CES1: variants seen among roughly 807,000 people sequenced by gnomAD.
The protein encoded by CES1 is carboxylesterase 1, also known as liver carboxylesterase 1.
In CES1, 50 loss-of-function variants were observed where a neutral mutation model predicts 53.0. The ratio of observed to expected loss-of-function variants is 0.94; its 90% CI spans 0.75 to 1.19. The LOEUF is 1.19. Among genes scored for constraint, CES1 ranks in the 50% most tolerant of loss-of-function variants. The probability of loss-of-function intolerance (pLI) is 0.00; values close to 1 mark genes in which losing one functional copy is unlikely to be tolerated. For missense variants in CES1, 534 were observed against 538.0 expected (o/e 0.99, Z 0.07); for synonymous variants, 202 against 210.1 (o/e 0.96, Z 0.33).
At chr16:55,826,400 G>T in intron 2 of CES1, 105 bp from the exon 3 acceptor site, 1 of 1,359,962 alleles carries the variant, frequency 7.4e-7, no homozygotes, top group Non-Finnish European at 1.1e-6. Flanking sequence ...AAATGGACTT[G>T]ATAGTTACAG....
intron 1 of CES1, 134 bp from the exon 2 acceptor site, chr16:55,829,108 T>C: frequency 1.1e-6 from 1 of 944,128 alleles, no homozygotes; most frequent in Non-Finnish European, 1.7e-6. Context: ...TTTCTCTTGA[T>C]GTACAATAGG....
In CES1 at chr16:55,833,025, G is replaced by T. The variant is rs116258771; in HGVS notation, c.31C>A (p.Leu11Ile). MWLRAFILATLSASAAWAGHP... is the reference protein window; with the variant it reads MWLRAFILATISASAAWAGHP... Reference sequence around the variant, plus strand: ...TCACCCCAAGCCGCGGAAGCAGAGAGAGTGGCCAGGATAAAGGCACGGAGC... The same window carrying T: ...TCACCCCAAGCCGCGGAAGCAGAGATAGTGGCCAGGATAAAGGCACGGAGC... The change falls in exon 1 of 14, where the codon CTC becomes ATC. Residue 11 changes from leucine to isoleucine, a missense_variant. Physicochemically the swap from Leu to Ile is conservative, Grantham distance 5. Coordinates refer to ENST00000360526, the MANE Select transcript of CES1 (RefSeq NM_001025195.2). 220 of 1,555,728 alleles carry T rather than the reference G, an allele frequency of 1.4e-4. 18 individuals carry two copies. In the African/African-American group the frequency reaches 2.8e-3, roughly 19 times the overall value.
intron 8 of CES1, among the ~76,000 whole-genome samples, chr16:55,814,882 TGA>T (rs2031867301): frequency 1.3e-5 from 2 of 152,160 alleles, no homozygotes; most frequent in African/African-American, 2.4e-5. Flanking sequence ...TGGCTGACAA[TGA>T]AGAACAGGAT....
intron 4 of CES1, 57 bp from the exon 5 acceptor site, chr16:55,821,578 A>G (rs2032200871): frequency 1.0e-5 from 16 of 1,595,516 alleles, no homozygotes; most frequent in Non-Finnish European, 1.4e-5. Flanking sequence ...CAGGACCTTC[A>G]GGACCACAGA....
At chr16:55,829,932 C>A (rs1466343820) in intron 1 of CES1, among the ~76,000 whole-genome samples, 7 of 152,238 alleles carry the variant, frequency 4.6e-5, no homozygotes, top group Non-Finnish European at 8.8e-5. Flanking sequence ...CTGGCCTGAT[C>A]TGATCTGCAG....
At chr16:55,820,671 T>C (rs2032142353) in intron 5 of CES1, among the ~76,000 whole-genome samples, 192 bp from the exon 6 acceptor site, 1 of 152,048 alleles carries the variant, frequency 6.6e-6, no homozygotes, top group Non-Finnish European at 1.5e-5. Flanking sequence ...CATCTGGGTT[T>C]TCATCCCAGA....
chr16:55,821,466 G>C lies in CES1; in HGVS notation c.595C>G (p.Leu199Val). The C allele has an allele frequency of 6.2e-7, 1 of 1,614,228 alleles. No individual in the cohort carries two copies. Among genetic ancestry groups the C allele is most frequent in the Non-Finnish European group, 8.5e-7 (1 of 1,180,048 alleles). ...GCAATGTTGTCCTGGACCCAGCGCA[G>C]GGCAGCCACCTGGTCCAGGTGACCC... Reference protein sequence around the residue: ...NWGHLDQVAALRWVQDNIASF... With the variant: ...NWGHLDQVAAVRWVQDNIASF... The change falls in exon 5 of 14, where the codon CTG becomes GTG. Residue 199 changes from leucine to valine, a missense_variant. Coordinates refer to ENST00000360526, the MANE Select transcript of CES1 (RefSeq NM_001025195.2).
chr16:55,823,316 T>C (rs2032280102), intron 4 of CES1, among the ~76,000 whole-genome samples: 1 of 152,172 alleles, frequency 6.6e-6, no homozygotes, highest in Admixed American at 6.5e-5. Flanking sequence ...TGAAGAGGTG[T>C]TCTTCGGATA....
At chr16:55,811,253 A>G (rs373604372) in intron 9 of CES1, among the ~76,000 whole-genome samples, 22 of 151,286 alleles carry the variant, frequency 1.5e-4, no homozygotes, top group Middle Eastern at 3.4e-3. Context: ...AAGCTGTGGC[A>G]GTGTTTTGCA....
intron 11 of CES1, 74 bp downstream of exon 11, chr16:55,810,443 T>C (rs1267244199): frequency 9.5e-6 from 15 of 1,582,552 alleles, no homozygotes; most frequent in East Asian, 2.2e-5. Context: ...TGTCTGTCTA[T>C]GCTGGGAGGT....
intron 9 of CES1, chr16:55,812,560 G>T (rs1209737701): frequency 5.3e-6 from 2 of 380,030 alleles, no homozygotes; most frequent in East Asian, 4.7e-5. Context: ...GGAAGCCCCC[G>T]ACTGCTTCTC....
rs779155388 is a variant in CES1 at position 55,810,941 on chromosome 16, A to C, written c.1156T>G (p.Ser386Ala). 17 of 1,613,558 alleles carry C rather than the reference A, an allele frequency of 1.1e-5. No homozygotes were observed. The highest frequency in any genetic ancestry group is 1.4e-5 in the Non-Finnish European group (17 of 1,179,806). Residue 386 changes from serine (S) to alanine (A), a missense_variant, in exon 10 of 14, where the codon TCC (serine) becomes GCC (alanine). Ser to Ala is a moderately conservative substitution (Grantham distance 99). This residue lies in a region of CES1 where 269 missense variants were observed against 206.6 expected (regional missense o/e 1.30). Coordinates refer to ENST00000360526, the MANE Select transcript of CES1 (RefSeq NM_001025195.2). ...TAGACTCTTACAACAAGGGGATAGG[A>C]CTTCCACAGGAGTGACATGGCTGTC... is the stretch of plus-strand genomic sequence containing the variant. ...QKTAMSLLWK[S>A]YPLVCIAKEL...
intron 1 of CES1, among the ~76,000 whole-genome samples, chr16:55,830,822 GC>G (rs1567509510): frequency 1.1e-4 from 15 of 134,984 alleles, no homozygotes; most frequent in South Asian, 2.3e-4. Context: ...AGGAAGGAAG[GC>G]AGGCAGGCAG....
At position 55,832,858 on chromosome 16, in the gene CES1, T is replaced by C. The variant is rs1297662920; in HGVS notation, c.52+146A>G. On this transcript the variant is annotated intron_variant, in intron 1 of 13. Coordinates refer to ENST00000360526, the MANE Select transcript of CES1 (RefSeq NM_001025195.2). ...GGCCAGGCTGGCCGGGCTCAGCTGC[T>C]CCAAGTCCAAGTCCTAATATGGAAG... The C allele has an allele frequency of 8.7e-5, 72 of 829,656 alleles. 1 individual carries two copies. The African/African-American group carries it at 1.1e-3, about 13-fold the overall frequency. 51.4% of individuals were successfully genotyped at this position (829,656 alleles called of 1,614,324 possible).
chr16:55,809,069 T>A (rs1408034153), intron 11 of CES1, among the ~76,000 whole-genome samples: 1 of 97,582 alleles, frequency 1.0e-5, no homozygotes, highest in African/African-American at 4.9e-5. Context: ...TAAGTGAAAG[T>A]AGATAAAATC....
chr16:55,816,419 G>C (rs1281785204), intron 8 of CES1, among the ~76,000 whole-genome samples: 1 of 152,226 alleles, frequency 6.6e-6, no homozygotes, highest in African/African-American at 2.4e-5. Flanking sequence ...AGATTCGTCA[G>C]AGGTGATGTC....
At chr16:55,832,161 G>C (rs1364145020) in intron 1 of CES1, among the ~76,000 whole-genome samples, 382 of 151,870 alleles carry the variant, frequency 2.5e-3, no homozygotes, top group African/African-American at 8.6e-3. Context: ...ATCCCAACTT[G>C]CCAGTCCTCA....
chr16:55,811,012 T>TAACAA lies in CES1; in HGVS notation c.1087-3_1087-2insTTGTT. 7.1e-7 allele frequency: 1 copy of TAACAA among 1,408,754 alleles called. No individual in the cohort carries two copies. The highest frequency in any genetic ancestry group is 9.7e-7 in the Non-Finnish European group (1 of 1,036,188). 87.3% of individuals were successfully genotyped at this position (1,408,754 alleles called of 1,614,324 possible). On this transcript the variant is annotated splice_polypyrimidine_tract_variant and splice_region_variant and intron_variant, in intron 9 of 13. Coordinates refer to ENST00000360526, the MANE Select transcript of CES1 (RefSeq NM_001025195.2). ...GGAGAGTGGATAGCTCATCAACTGC[T>TAACAA]AAAAAAAAAAAAAAGTTCAGCATTT...
rs1383576090 is a variant in CES1 at position 55,821,599 on chromosome 16, G to A, written c.540-78C>T. On this transcript the variant is annotated intron_variant, in intron 4 of 13. Transcript: ENST00000360526. ...CTTCAGGACCACAGATGGGGCTAGG[G>A]GTTCTCAGTGAACCCTTAAGAATAA... is the stretch of plus-strand genomic sequence containing the variant. The A allele has an allele frequency of 3.3e-5, 49 of 1,501,362 alleles. No individual in the cohort carries two copies. In the East Asian group the frequency reaches 1.1e-3, roughly 33 times the overall value. 93.0% of individuals were successfully genotyped at this position (1,501,362 alleles called of 1,614,324 possible).
Sources: gnomAD v4.1 joint callset for allele counts (sites outside exome capture counted in the v4.1 genomes callset) on GRCh38, gnomAD v4.1.1 for gene constraint, gnomAD v4.1.1 regional missense constraint, MANE v1.5 for transcripts, NCBI Gene and HGNC (gene_info 2026-07-23, HGNC 2026-07-21) for gene names.